The following TAFA5 variants were observed in gnomAD, a reference collection of about 807,000 sequenced individuals.
The protein encoded by TAFA5 is TAFA chemokine like family member 5, also known as chemokine-like protein TAFA-5.
In TAFA5, 6 loss-of-function variants were observed where a neutral mutation model predicts 15.3. The ratio of observed to expected loss-of-function variants is 0.39; its 90% CI spans 0.21 to 0.77. TAFA5 has a LOEUF of 0.77. Ranked by LOEUF, TAFA5 falls within the 30% of genes least tolerant of loss-of-function variation. The probability of loss-of-function intolerance (pLI) is 0.41; values close to 1 mark genes in which losing one functional copy is unlikely to be tolerated. For synonymous variants in TAFA5, 103 were observed against 80.7 expected (o/e 1.28, Z -1.48); for missense variants, 161 against 193.1 (o/e 0.83, Z 0.98).
At chr22:48,491,241 G>C (rs960762236) in intron 1 of TAFA5, among the ~76,000 whole-genome samples, 2 of 152,194 alleles carry the variant, frequency 1.3e-5, no homozygotes, top group Admixed American at 6.5e-5. Flanking sequence ...GGGGCCTGCA[G>C]GGGTATGTGG....
rs141373994 is a variant in TAFA5 at position 48,744,495 on chromosome 22, T to C, written c.391-5344T>C. Among the ~76,000 whole-genome samples, 1,284 of 152,294 alleles carry C rather than the reference T, an allele frequency of 8.4e-3. 19 individuals carry two copies. The highest frequency in any genetic ancestry group is 0.028 in the African/African-American group (1,153 of 41,564). The stretch of plus-strand genomic sequence containing the variant: ...CCATGACCCGTGTGGTTCGTGGGAT[T>C]GGAGCCGGGTCCCAGTCAAGTTGTA... On this transcript the variant is annotated intron_variant, in intron 3 of 3. Coordinates refer to ENST00000402357, the MANE Select transcript of TAFA5 (RefSeq NM_001082967.3).
At chr22:48,735,088 CGACAGCT>C (rs1929971405) in intron 3 of TAFA5, among the ~76,000 whole-genome samples, 1 of 152,162 alleles carries the variant, frequency 6.6e-6, no homozygotes, top group African/African-American at 2.4e-5. Flanking sequence ...TCATTCATTC[CGACAGCT>C]GCCCATGGGC....
chr22:48,550,605 G>A lies in TAFA5; in HGVS notation c.112+60901G>A, dbSNP rs1321697785. Reference sequence around the variant, plus strand: ...CCCACGGTTCCTAGCAGGTTCCATCGCCTTCCGCACTTGATGCTGCTGGAT... The same window carrying A: ...CCCACGGTTCCTAGCAGGTTCCATCACCTTCCGCACTTGATGCTGCTGGAT... On this transcript the variant is annotated intron_variant, in intron 1 of 3. Coordinates refer to ENST00000402357, the MANE Select transcript of TAFA5 (RefSeq NM_001082967.3). This position sits in a 1 kb window ranked among gnomAD's most constrained non-coding sequence, Gnocchi z 4.1. Among the ~76,000 whole-genome samples the A allele has an allele frequency of 6.6e-6, 1 of 152,080 alleles. No individual in the cohort carries two copies. The highest frequency in any genetic ancestry group is 1.5e-5 in the Non-Finnish European group (1 of 68,002).
At chr22:48,612,319 G>A (rs73427963) in intron 1 of TAFA5, among the ~76,000 whole-genome samples, 7,186 of 152,314 alleles carry the variant, frequency 0.047, 557 homozygotes, top group African/African-American at 0.16. Context: ...TAATCAAGGC[G>A]AGCCTGTGAG....
intron 1 of TAFA5, among the ~76,000 whole-genome samples, chr22:48,623,162 C>G (rs187007490): frequency 6.6e-6 from 1 of 152,216 alleles, no homozygotes; most frequent in African/African-American, 2.4e-5. Flanking sequence ...GCCCTGACGG[C>G]GGTGGGATGG....
intron 1 of TAFA5, among the ~76,000 whole-genome samples, chr22:48,537,320 C>T (rs995147699): frequency 3.9e-5 from 6 of 152,324 alleles, no homozygotes; most frequent in African/African-American, 7.2e-5. Context: ...CAGGCAAGAT[C>T]GTCATCGTCT....
Position 48,671,533 on chromosome 22 carries a change from T to G in TAFA5, c.262+24787T>G, listed in dbSNP as rs2147222427. 1.3e-5 allele frequency among the ~76,000 whole-genome samples: 2 copies of G among 152,268 alleles called. 1 individual carries two copies. The highest frequency in any genetic ancestry group is 4.1e-4 in the South Asian group (2 of 4,826). On this transcript the variant is annotated intron_variant, in intron 2 of 3. Transcript: ENST00000402357. ...CCAACCAAGCCATCCAGAGTGGTGG[T>G]TCCTTCAGAGGCTTGTGTTCTGGGA...
chr22:48,522,514 C>T (rs763687267), intron 1 of TAFA5, among the ~76,000 whole-genome samples: 5 of 152,092 alleles, frequency 3.3e-5, no homozygotes, highest in East Asian at 1.9e-4. Flanking sequence ...TCTACACTCG[C>T]GTCCTCCGCT....
chr22:48,653,975 G>A (rs1011589176), intron 2 of TAFA5, among the ~76,000 whole-genome samples: 3 of 152,130 alleles, frequency 2.0e-5, no homozygotes, highest in Non-Finnish European at 2.9e-5. Flanking sequence ...ATGGGTGCCC[G>A]AGCCTCTCCG....
intron 1 of TAFA5, among the ~76,000 whole-genome samples, chr22:48,603,525 A>C (rs1288663150): frequency 6.6e-6 from 1 of 152,170 alleles, no homozygotes; most frequent in Non-Finnish European, 1.5e-5. Context: ...AAGAGGAGCC[A>C]CTACAGGGCC....
intron 2 of TAFA5, among the ~76,000 whole-genome samples, chr22:48,688,967 G>A (rs1165175779): frequency 1.3e-5 from 2 of 148,730 alleles, no homozygotes; most frequent in Non-Finnish European, 3.0e-5. Flanking sequence ...ACTCCAGCCT[G>A]GGTGACAGAG....
At chr22:48,677,111 A>G (rs1276958488) in intron 2 of TAFA5, among the ~76,000 whole-genome samples, 1 of 152,230 alleles carries the variant, frequency 6.6e-6, no homozygotes, top group Non-Finnish European at 1.5e-5. Flanking sequence ...TATCTTGGAC[A>G]TTCTCTCCTG....
Position 48,665,644 on chromosome 22 carries a change from G to GA in TAFA5, c.262+18898_262+18899insA, listed in dbSNP as rs368512469. Among the ~76,000 whole-genome samples the GA allele has an allele frequency of 5.7e-3, 869 of 152,152 alleles. 1 individual carries two copies. Among genetic ancestry groups the GA allele is most frequent in the African/African-American group, 0.02 (819 of 41,484 alleles). ...CAACATCATTTATTGAAAAGTTCTA[G>GA]CCTTTCACTCATAATGGTTTTATGT... is the stretch of plus-strand genomic sequence containing the variant. On this transcript the variant is annotated intron_variant, in intron 2 of 3. Coordinates refer to ENST00000402357, the MANE Select transcript of TAFA5 (RefSeq NM_001082967.3).
At chr22:48,722,225 C>T (rs995272646) in intron 3 of TAFA5, among the ~76,000 whole-genome samples, 13 of 152,132 alleles carry the variant, frequency 8.5e-5, no homozygotes, top group African/African-American at 2.7e-4. Flanking sequence ...TTTTAATGAC[C>T]GCCATTCTAA....
At chr22:48,594,456 C>T (rs942401544) in intron 1 of TAFA5, among the ~76,000 whole-genome samples, 1 of 152,218 alleles carries the variant, frequency 6.6e-6, no homozygotes, top group Non-Finnish European at 1.5e-5. Context: ...GCTACGCCCA[C>T]GGGGATGGGA....
At chr22:48,585,547 A>G (rs538955385) in intron 1 of TAFA5, among the ~76,000 whole-genome samples, 1 of 150,968 alleles carries the variant, frequency 6.6e-6, no homozygotes, top group Admixed American at 6.6e-5. Context: ...AAAACATCAC[A>G]CTGCTCATAC....
intron 2 of TAFA5, among the ~76,000 whole-genome samples, chr22:48,653,276 A>G (rs1198858916): frequency 6.6e-6 from 1 of 152,188 alleles, no homozygotes; most frequent in Non-Finnish European, 1.5e-5. Context: ...TGCGGGCACC[A>G]TGTCCCTCAG....
chr22:48,735,226 G>A lies in TAFA5; in HGVS notation c.391-14613G>A, dbSNP rs117119424. ...GATCCTACCAAGGAGCTGGGAGCTGGAGCCCCTGATCTCCTCTAGCCACCC... is the reference window on the plus strand; with the variant it reads ...GATCCTACCAAGGAGCTGGGAGCTGAAGCCCCTGATCTCCTCTAGCCACCC... On this transcript the variant is annotated intron_variant, in intron 3 of 3. Coordinates refer to ENST00000402357, the MANE Select transcript of TAFA5 (RefSeq NM_001082967.3). Among the ~76,000 whole-genome samples the A allele has an allele frequency of 8.5e-4, 130 of 152,260 alleles. No individual in the cohort carries two copies. In the East Asian group the frequency reaches 0.01, roughly 12 times the overall value.
intron 1 of TAFA5, among the ~76,000 whole-genome samples, chr22:48,612,274 C>T (rs1163757742): frequency 1.3e-5 from 2 of 152,026 alleles, no homozygotes; most frequent in Non-Finnish European, 2.9e-5. Context: ...TGCACACCCC[C>T]GCAGCACAGG....
Sources: gnomAD v4.1 joint callset for allele counts (sites outside exome capture counted in the v4.1 genomes callset) on GRCh38, gnomAD v4.1.1 for gene constraint, Gnocchi (gnomAD v3.1) non-coding constraint, MANE v1.5 for transcripts, NCBI Gene and HGNC (gene_info 2026-07-23, HGNC 2026-07-21) for gene names.